Variants in TRMT61B observed in about 807,000 individuals in gnomAD.
TRMT61B encodes tRNA methyltransferase 61B, also known as tRNA (adenine(58)-N(1))-methyltransferase, mitochondrial.
TRMT61B carries 56 observed loss-of-function variants against 52.0 expected under a neutral mutation model. That is an observed-to-expected ratio of 1.08 (90% confidence interval 0.87 to 1.35). The LOEUF (loss-of-function observed/expected upper bound fraction) is 1.35, where lower values mean the gene tolerates loss of function less well. Among genes scored for constraint, TRMT61B ranks in the 40% most tolerant of loss-of-function variants. The pLI is 0.00. For synonymous variants in TRMT61B, 206 were observed against 220.0 expected (o/e 0.94, Z 0.56); for missense variants, 650 against 577.9 (o/e 1.12, Z -1.28).
rs1669163511 is a variant in TRMT61B at position 28,852,503 on chromosome 2, T to C, written c.994-4A>G. On this transcript the variant is annotated splice_polypyrimidine_tract_variant and splice_region_variant and intron_variant, in intron 3 of 6. Coordinates refer to ENST00000306108, the MANE Select transcript of TRMT61B (RefSeq NM_017910.4). ...GATTTAACATATCCAAAGCTACCTG[T>C]GTGGGGGAAAAAGAGAACTGGATCA... The C allele has an allele frequency of 6.3e-7, 1 of 1,589,578 alleles. No homozygotes were observed. Among genetic ancestry groups the C allele is most frequent in the Admixed American group, 1.8e-5 (1 of 56,628 alleles).
Position 28,850,319 on chromosome 2 carries a change from A to G in TRMT61B, c.1390+9T>C. On this transcript the variant is annotated intron_variant, in intron 6 of 6. Transcript: ENST00000306108. Reference sequence around the variant, plus strand: ...ACACCATTTAATATGTTCTGAAAACATTACTCACCTGTATGACCAGGTTGC... The same window carrying G: ...ACACCATTTAATATGTTCTGAAAACGTTACTCACCTGTATGACCAGGTTGC... 1 of 1,607,098 alleles carries G rather than the reference A, an allele frequency of 6.2e-7. No individual in the cohort carries two copies. Among genetic ancestry groups the G allele is most frequent in the Non-Finnish European group, 8.5e-7 (1 of 1,175,156 alleles).
intron 1 of TRMT61B, among the ~76,000 whole-genome samples, chr2:28,869,320 CAG>C (rs1332428255): frequency 1.3e-5 from 2 of 152,142 alleles, no homozygotes; most frequent in African/African-American, 4.8e-5. Flanking sequence ...ATCACCCTAA[CAG>C]AAAGTTGAGC....
chr2:28,850,307 T>C (rs764855756), intron 6 of TRMT61B, 21 bp downstream of exon 6: 3 of 1,603,648 alleles, frequency 1.9e-6, no homozygotes, highest in Non-Finnish European at 2.6e-6. Context: ...CCATTTAATA[T>C]GTTCTGAAAA....
At position 28,854,770 on chromosome 2, in the gene TRMT61B, A is replaced by AAAG. The variant is rs777576460; in HGVS notation, c.994-2272_994-2271insCTT. Among the ~76,000 whole-genome samples the AAAG allele has an allele frequency of 4.1e-3, 445 of 109,410 alleles. 99 individuals carry two copies. The highest frequency in any genetic ancestry group is 0.014 in the African/African-American group (410 of 28,562). The allele number at this position is 109,410 out of a possible 152,430, so 71.8% of individuals were successfully genotyped here. A position where few individuals can be genotyped will look rare whatever the true frequency, so the allele number is the denominator to read the frequency against. ...AAAAAAAAAAAAAAAAAAAAAAAAA[A>AAAG]ACTGCCAGGCGTGGTGGCATGCTCC... On this transcript the variant is annotated intron_variant, in intron 3 of 6. Transcript: ENST00000306108.
intron 1 of TRMT61B, among the ~76,000 whole-genome samples, chr2:28,867,854 C>T (rs940059113): frequency 6.6e-6 from 1 of 151,896 alleles, no homozygotes; most frequent in Non-Finnish European, 1.5e-5. Flanking sequence ...AGTTTGAGAC[C>T]AGTCTGGGCA....
intron 4 of TRMT61B, among the ~76,000 whole-genome samples, 160 bp downstream of exon 4, chr2:28,852,248 G>C (rs1290591147): frequency 7.0e-6 from 1 of 142,008 alleles, no homozygotes; most frequent in African/African-American, 2.6e-5. Context: ...GGGAGGTGGA[G>C]GTTGCAGTGA....
At chr2:28,851,376 CCA>C (rs1407385152) in intron 4 of TRMT61B, 78 bp from the exon 5 acceptor site, 19 of 1,003,208 alleles carry the variant, frequency 1.9e-5, no homozygotes, top group Non-Finnish European at 2.1e-5. Flanking sequence ...TACCTCTTGC[CCA>C]CATTTAAATA....
At chr2:28,861,563 AATACACACTGTGGTGTATT>A (rs1669598507) in intron 2 of TRMT61B, 2 of 420,434 alleles carry the variant, frequency 4.8e-6, no homozygotes. Context: ...CTGTGTTTTT[AATACACACTGTGGTGTATT>A]ATACACACTG....
rs1036494170 is a variant in TRMT61B, at chr2:28,850,322, A to G, written c.1390+6T>C. 25 of 1,606,616 alleles carry G rather than the reference A, an allele frequency of 1.6e-5. No homozygotes were observed. Among genetic ancestry groups the G allele is most frequent in the Non-Finnish European group, 2.1e-5 (25 of 1,174,722 alleles). ...CCATTTAATATGTTCTGAAAACATT[A>G]CTCACCTGTATGACCAGGTTGCCAG... On this transcript the variant is annotated splice_donor_region_variant and intron_variant, in intron 6 of 6. Coordinates refer to ENST00000306108, the MANE Select transcript of TRMT61B (RefSeq NM_017910.4).
chr2:28,856,084 G>A (rs1669327959), intron 3 of TRMT61B, among the ~76,000 whole-genome samples: 1 of 152,072 alleles, frequency 6.6e-6, no homozygotes, highest in South Asian at 2.1e-4. Context: ...TATTGACAAG[G>A]ACCAAAGTCA....
In TRMT61B at chr2:28,861,267, C is replaced by CATACAG. The variant is rs765852312; in HGVS notation, c.843_844insCTGTAT (p.Lys281_Asp282insLeuTyr). 47 of 1,607,076 alleles carry CATACAG rather than the reference C, an allele frequency of 2.9e-5. No individual in the cohort carries two copies. The highest frequency in any genetic ancestry group is 4.0e-5 in the Non-Finnish European group (47 of 1,178,170). On this transcript the variant is annotated inframe_insertion, in exon 3 of 7. Transcript: ENST00000306108. ...TTCTTCTTAGCCAGATCATGGTGGTCTTTTCGTACCTCAAAACTTATGACT... is the reference window on the plus strand; with the variant it reads ...TTCTTCTTAGCCAGATCATGGTGGTCATACAGTTTTCGTACCTCAAAACTTATGACT...
chr2:28,858,794 CAA>C (rs1033258916), intron 3 of TRMT61B, among the ~76,000 whole-genome samples: 13 of 23,592 alleles, frequency 5.5e-4, no homozygotes, highest in African/African-American at 1.8e-3. Context: ...GACTCCGTCT[CAA>C]AAAAAAAAAA....
chr2:28,852,523 G>C (rs373862161), intron 3 of TRMT61B, 24 bp from the exon 4 acceptor site: 68 of 1,452,932 alleles, frequency 4.7e-5, no homozygotes, highest in Non-Finnish European at 6.5e-5. Flanking sequence ...AAAGAGAACT[G>C]GATCAGTCTG....
Position 28,869,638 on chromosome 2 carries a change from G to C in TRMT61B, c.640C>G (p.Pro214Ala). ...SFGKQYMLRRPALEDYVVLMK... is the reference protein window; with the variant it reads ...SFGKQYMLRRAALEDYVVLMK... ...AATACTACATAGTCTTCCAAGGCTGGCCTCCTCAGCATGTACTGCTTACCG... is the reference window on the plus strand; with the variant it reads ...AATACTACATAGTCTTCCAAGGCTGCCCTCCTCAGCATGTACTGCTTACCG... The change falls in exon 1 of 7, where the codon CCA (proline) becomes GCA (alanine). Residue 214 changes from proline (P) to alanine (A), a missense_variant. By Grantham distance (27) the Pro-to-Ala change is conservative. Coordinates refer to ENST00000306108, the MANE Select transcript of TRMT61B (RefSeq NM_017910.4). The C allele has an allele frequency of 6.2e-7, 1 of 1,614,060 alleles. No homozygotes were observed. Among genetic ancestry groups the C allele is most frequent in the Non-Finnish European group, 8.5e-7 (1 of 1,180,002 alleles).
chr2:28,861,355 T>C (rs1015649881), intron 2 of TRMT61B, 47 bp from the exon 3 acceptor site: 8 of 1,430,046 alleles, frequency 5.6e-6, no homozygotes. Flanking sequence ...ATCAGTTTAT[T>C]AAAAAGTGTC....
chr2:28,850,256 A>C lies in TRMT61B; in HGVS notation c.1391-14T>G. 1.2e-6 allele frequency: 2 copies of C among 1,610,108 alleles called. No individual in the cohort carries two copies. Among genetic ancestry groups the C allele is most frequent in the Non-Finnish European group, 1.7e-6 (2 of 1,177,686 alleles). ...TGACAAGAAAAGCTAATTTAAGAGAAGAAAAACATAAAGTCATTATATTAA... is the reference window on the plus strand; with the variant it reads ...TGACAAGAAAAGCTAATTTAAGAGACGAAAAACATAAAGTCATTATATTAA... On this transcript the variant is annotated splice_polypyrimidine_tract_variant and intron_variant, in intron 6 of 6. Coordinates refer to ENST00000306108, the MANE Select transcript of TRMT61B (RefSeq NM_017910.4).
chr2:28,855,994 T>C (rs1030891574), intron 3 of TRMT61B, among the ~76,000 whole-genome samples: 2 of 151,812 alleles, frequency 1.3e-5, no homozygotes, highest in South Asian at 2.1e-4. Flanking sequence ...AATAAATAAA[T>C]ATCCAAGTCA....
chr2:28,864,724 C>G (rs867831301), intron 2 of TRMT61B, among the ~76,000 whole-genome samples: 54 of 152,134 alleles, frequency 3.5e-4, no homozygotes, highest in African/African-American at 1.2e-3. Flanking sequence ...GATCTGCACA[C>G]TTTTCTGTAG....
chr2:28,858,904 T>G (rs930530491), intron 3 of TRMT61B, among the ~76,000 whole-genome samples: 1 of 145,170 alleles, frequency 6.9e-6, no homozygotes, highest in African/African-American at 2.5e-5. Context: ...TTCTTTTCTG[T>G]TTTTTTTGAG....
Sources: gnomAD v4.1 joint callset for allele counts (sites outside exome capture counted in the v4.1 genomes callset) on GRCh38, gnomAD v4.1.1 for gene constraint, MANE v1.5 for transcripts, NCBI Gene and HGNC (gene_info 2026-07-23, HGNC 2026-07-21) for gene names.